DNER: variants seen among roughly 807,000 people sequenced by gnomAD.
The protein encoded by DNER is delta and Notch-like epidermal growth factor-related receptor.
In DNER, 33 loss-of-function variants were observed where a neutral mutation model predicts 78.2. The observed-to-expected ratio is 0.42, with a 90% CI of 0.32 to 0.56. The LOEUF is 0.56. Among genes scored for constraint, DNER ranks in the 20% least tolerant of loss-of-function variants. The probability of loss-of-function intolerance (pLI) is 0.11; values close to 1 mark genes in which losing one functional copy is unlikely to be tolerated. For missense variants in DNER, 918 were observed against 975.3 expected (o/e 0.94, Z 0.78); for synonymous variants, 417 against 384.8 (o/e 1.08, Z -0.98).
intron 12 of DNER, among the ~76,000 whole-genome samples, chr2:229,361,250 A>G (rs1692203358): frequency 6.6e-6 from 1 of 152,030 alleles, no homozygotes; most frequent in South Asian, 2.1e-4. Context: ...GCACTAAATC[A>G]ATGTCAGAGG....
chr2:229,677,595 C>G (rs1479588958), intron 1 of DNER, among the ~76,000 whole-genome samples: 1 of 152,206 alleles, frequency 6.6e-6, no homozygotes, highest in Non-Finnish European at 1.5e-5. Context: ...CCACCTTTCA[C>G]CACCACCCCA....
intron 5 of DNER, among the ~76,000 whole-genome samples, chr2:229,521,600 C>T (rs924933043): frequency 6.6e-6 from 1 of 152,186 alleles, no homozygotes; most frequent in Non-Finnish European, 1.5e-5. Flanking sequence ...GTCAGACAAC[C>T]AGTTCAGCAT....
chr2:229,668,435 T>C (rs200037015), intron 1 of DNER, among the ~76,000 whole-genome samples: 1 of 106,632 alleles, frequency 9.4e-6, no homozygotes, highest in South Asian at 2.9e-4. Context: ...TATATATATA[T>C]ATATATACAC....
At chr2:229,387,508 A>AAG (rs1692902288) in intron 11 of DNER, among the ~76,000 whole-genome samples, 2 of 93,014 alleles carry the variant, frequency 2.2e-5, no homozygotes, top group Non-Finnish European at 4.8e-5. Flanking sequence ...AGAAAGAAAG[A>AAG]GAGAAAGAAA....
intron 6 of DNER, among the ~76,000 whole-genome samples, chr2:229,504,310 C>G (rs1020450887): frequency 6.6e-6 from 1 of 152,176 alleles, no homozygotes; most frequent in Non-Finnish European, 1.5e-5. Flanking sequence ...ACCTCTGCCT[C>G]CCGGGTTCAA....
At chr2:229,644,645 ATTGTG>A (rs900379122) in intron 1 of DNER, among the ~76,000 whole-genome samples, 3 of 151,928 alleles carry the variant, frequency 2.0e-5, no homozygotes, top group African/African-American at 7.3e-5. Flanking sequence ...ATTTTTCAGT[ATTGTG>A]TTAAGTATAG....
At position 229,418,075 on chromosome 2, in the gene DNER, A is replaced by G. The variant is rs776310913; in HGVS notation, c.1609+33T>C. ...GAAATACATGACGTCATTTAGAGCCATTCTGGCACAGGAAGGCCAGGCGGC... is the reference window on the plus strand; with the variant it reads ...GAAATACATGACGTCATTTAGAGCCGTTCTGGCACAGGAAGGCCAGGCGGC... On this transcript the variant is annotated intron_variant, in intron 9 of 12. Coordinates refer to ENST00000341772, the MANE Select transcript of DNER (RefSeq NM_139072.4). The G allele has an allele frequency of 6.2e-6, 10 of 1,613,920 alleles. No homozygotes were observed. In the East Asian group the frequency reaches 2.0e-4, roughly 32 times the overall value.
rs1192959662 is a variant in DNER, at chr2:229,407,349, C to T, written c.1610-4G>A. The T allele has an allele frequency of 6.2e-7, 1 of 1,611,114 alleles. No individual in the cohort carries two copies. Among genetic ancestry groups the T allele is most frequent in the Non-Finnish European group, 8.5e-7 (1 of 1,177,642 alleles). ...TTGTACAATTCACAGTGTGTTCCTGCAGAGAAACAAGCAAAACAGGATGAC... is the reference window on the plus strand; with the variant it reads ...TTGTACAATTCACAGTGTGTTCCTGTAGAGAAACAAGCAAAACAGGATGAC... On this transcript the variant is annotated splice_region_variant and splice_polypyrimidine_tract_variant and intron_variant, in intron 9 of 12. Coordinates refer to ENST00000341772, the MANE Select transcript of DNER (RefSeq NM_139072.4).
chr2:229,711,075 A>C (rs1699906191), intron 1 of DNER, among the ~76,000 whole-genome samples: 1 of 151,898 alleles, frequency 6.6e-6, no homozygotes, highest in Non-Finnish European at 1.5e-5. Context: ...GAGAGCAGGC[A>C]GCTCCCAAAT....
intron 5 of DNER, among the ~76,000 whole-genome samples, chr2:229,537,033 G>A (rs1696416935): frequency 6.6e-6 from 1 of 152,152 alleles, no homozygotes; most frequent in South Asian, 2.1e-4. Context: ...AAGGTCATGA[G>A]ACCCCTGCCT....
chr2:229,534,275 A>C (rs2154212892), intron 5 of DNER, among the ~76,000 whole-genome samples: 1 of 152,330 alleles, frequency 6.6e-6, no homozygotes, highest in South Asian at 2.1e-4. Flanking sequence ...GAAACAGGCC[A>C]ATAGATTGTA....
In DNER at chr2:229,397,547, C is replaced by A. The variant is rs1036671118; in HGVS notation, c.1724-9151G>T. 1.1e-4 allele frequency among the ~76,000 whole-genome samples: 16 copies of A among 151,292 alleles called. No individual in the cohort carries two copies. In the East Asian group the frequency reaches 3.1e-3, roughly 29 times the overall value. The stretch of plus-strand genomic sequence containing the variant: ...GCATGGACTTCCACCCTCCAAAGCA[C>A]CTCAGCCACCAAACAATAACAGAAT... On this transcript the variant is annotated intron_variant, in intron 10 of 12. Coordinates refer to ENST00000341772, the MANE Select transcript of DNER (RefSeq NM_139072.4).
At chr2:229,663,172 A>G (rs1193133990) in intron 1 of DNER, among the ~76,000 whole-genome samples, 1 of 152,218 alleles carries the variant, frequency 6.6e-6, no homozygotes, top group African/African-American at 2.4e-5. Flanking sequence ...AAAAATTCAC[A>G]TCAATTTTAA....
At chr2:229,433,069 A>G (rs1694045982) in intron 8 of DNER, among the ~76,000 whole-genome samples, 1 of 152,120 alleles carries the variant, frequency 6.6e-6, no homozygotes, top group African/African-American at 2.4e-5. Context: ...CCTCCTGAGT[A>G]GCTGGGATTA....
At chr2:229,425,038 G>T (rs1472795290) in intron 8 of DNER, among the ~76,000 whole-genome samples, 1 of 152,152 alleles carries the variant, frequency 6.6e-6, no homozygotes, top group Non-Finnish European at 1.5e-5. Flanking sequence ...GAACATGAGG[G>T]TTTCAAATTG....
rs531075196 is a variant in DNER at position 229,424,765 on chromosome 2, C to T, written c.1487-6535G>A. Among the ~76,000 whole-genome samples the T allele has an allele frequency of 3.9e-5, 6 of 152,244 alleles. No homozygotes were observed. The South Asian group carries it at 1.2e-3, about 32-fold the overall frequency. On this transcript the variant is annotated intron_variant, in intron 8 of 12. Transcript: ENST00000341772. Reference sequence around the variant, plus strand: ...GTGGAGGGCCTAATTTAGTCCTTAACACCTAGAATCTGAGTTTCTCAGTCA... The same window carrying T: ...GTGGAGGGCCTAATTTAGTCCTTAATACCTAGAATCTGAGTTTCTCAGTCA...
At chr2:229,457,036 A>T (rs1694590458) in intron 7 of DNER, among the ~76,000 whole-genome samples, 1 of 152,174 alleles carries the variant, frequency 6.6e-6, no homozygotes, top group Non-Finnish European at 1.5e-5. Context: ...CTGGAAAAAT[A>T]AACTCGTCAA....
At chr2:229,418,616 T>G in intron 8 of DNER, among the ~76,000 whole-genome samples, 1 of 151,430 alleles carries the variant, frequency 6.6e-6, no homozygotes, top group African/African-American at 2.4e-5. Flanking sequence ...CCTTCAAGAG[T>G]GAGAACCTGG....
intron 7 of DNER, among the ~76,000 whole-genome samples, chr2:229,453,920 TAAAA>T (rs10602558): frequency 2.9e-4 from 31 of 106,876 alleles, no homozygotes; most frequent in African/African-American, 7.0e-4. Context: ...TAAAATATAT[TAAAA>T]AAAAAAAAAA....
Sources: gnomAD v4.1 joint callset for allele counts (sites outside exome capture counted in the v4.1 genomes callset) on GRCh38, gnomAD v4.1.1 for gene constraint, MANE v1.5 for transcripts, NCBI Gene and HGNC (gene_info 2026-07-23, HGNC 2026-07-21) for gene names.